POR: variants seen among roughly 807,000 people sequenced by gnomAD.
POR encodes NADPH--cytochrome P450 reductase.
A neutral mutation model predicts 84.0 loss-of-function variants in POR; 56 were observed. That is an observed-to-expected ratio of 0.67 (90% CI 0.54 to 0.83). The LOEUF (loss-of-function observed/expected upper bound fraction) is 0.83, where lower values mean the gene tolerates loss of function less well. Among genes scored for constraint, POR ranks in the 40% least tolerant of loss-of-function variants. POR has a pLI of 0.00. For synonymous variants in POR, 414 were observed against 400.5 expected, an observed-to-expected ratio of 1.03 and a Z score of -0.40; for missense variants, 938 against 944.3, an observed-to-expected ratio of 0.99 and a Z score of 0.09.
At chr7:75,931,691 ACT>A (rs1807430935) in intron 1 of POR, among the ~76,000 whole-genome samples, 2 of 151,084 alleles carry the variant, frequency 1.3e-5, no homozygotes, top group Admixed American at 1.3e-4. Flanking sequence ...TAAAGCCGTG[ACT>A]CTATTTTCCC....
At chr7:75,931,315 C>T (rs868956772) in intron 1 of POR, among the ~76,000 whole-genome samples, 1 of 152,038 alleles carries the variant, frequency 6.6e-6, no homozygotes, top group Non-Finnish European at 1.5e-5. Flanking sequence ...AAACCAGTTA[C>T]AAAGGGCCAC....
chr7:75,984,645 G>A (rs1789295034), intron 10 of POR, 132 bp from the exon 11 acceptor site: 1 of 784,774 alleles, frequency 1.3e-6, no homozygotes, highest in African/African-American at 1.7e-5. Context: ...GAGAGCATAG[G>A]CCTTGTTTCC....
intron 2 of POR, among the ~76,000 whole-genome samples, chr7:75,956,625 G>A (rs1377844627): frequency 2.0e-5 from 3 of 152,182 alleles, no homozygotes; most frequent in African/African-American, 7.2e-5. Context: ...GAGCTGTGTA[G>A]TGTTTGCGTT....
chr7:75,930,487 A>G (rs1807358930), intron 1 of POR, among the ~76,000 whole-genome samples: 1 of 151,886 alleles, frequency 6.6e-6, no homozygotes, highest in African/African-American at 2.4e-5. Context: ...GTCTAAAAAT[A>G]AATAAAATAA....
chr7:75,983,451 GCGTCCTT>G, intron 8 of POR, 62 bp from the exon 9 acceptor site: 1 of 1,104,054 alleles, frequency 9.1e-7, no homozygotes, highest in Non-Finnish European at 1.4e-6. Context: ...GCAACCAGAA[GCGTCCTT>G]GGAGACGGAG....
At chr7:75,949,239 C>T (rs1450115887) in intron 1 of POR, among the ~76,000 whole-genome samples, 1 of 152,066 alleles carries the variant, frequency 6.6e-6, no homozygotes, top group African/African-American at 2.4e-5. Flanking sequence ...ACTACAACCT[C>T]TGCCTCCCAG....
At chr7:75,981,025 G>C in intron 5 of POR, 23 bp from the exon 6 acceptor site, 1 of 1,550,856 alleles carries the variant, frequency 6.4e-7, no homozygotes, top group South Asian at 1.2e-5. Context: ...CCAGGCCTCA[G>C]AGCGGCCCCT....
At chr7:75,920,351 G>A (rs565137504) in intron 1 of POR, among the ~76,000 whole-genome samples, 22 of 152,184 alleles carry the variant, frequency 1.4e-4, no homozygotes, top group Non-Finnish European at 2.8e-4. Context: ...ATTACCAGGC[G>A]TGAGCCACCA....
At chr7:75,981,650 C>A in intron 7 of POR, 44 bp downstream of exon 7, 1 of 1,551,128 alleles carries the variant, frequency 6.4e-7, no homozygotes, top group Non-Finnish European at 8.8e-7. Context: ...TGGGCGGGTC[C>A]TGTGCCGAGG....
chr7:75,983,428 C>G, intron 8 of POR, 92 bp from the exon 9 acceptor site: 1 of 859,444 alleles, frequency 1.2e-6, no homozygotes, highest in Admixed American at 2.0e-5. Context: ...CTCTGAGATT[C>G]CCTGTGCTTT....
intron 1 of POR, among the ~76,000 whole-genome samples, chr7:75,936,099 T>C (rs1554550785): frequency 7.0e-6 from 1 of 142,138 alleles, no homozygotes; most frequent in African/African-American, 2.6e-5. Flanking sequence ...TTTTTTTTTT[T>C]TTTTTTTTTT....
At chr7:75,942,412 T>C (rs782463181) in intron 1 of POR, among the ~76,000 whole-genome samples, 1 of 152,138 alleles carries the variant, frequency 6.6e-6, no homozygotes, top group Non-Finnish European at 1.5e-5. Flanking sequence ...TCAGGGAGCA[T>C]AAATTTTGAT....
At chr7:75,983,454 T>C in intron 8 of POR, 66 bp from the exon 9 acceptor site, 1 of 1,174,326 alleles carries the variant, frequency 8.5e-7, no homozygotes, top group South Asian at 1.3e-5. Flanking sequence ...ACCAGAAGCG[T>C]CCTTGGAGAC....
chr7:75,944,296 G>T (rs1458893480), intron 1 of POR, among the ~76,000 whole-genome samples: 1 of 152,220 alleles, frequency 6.6e-6, no homozygotes, highest in Non-Finnish European at 1.5e-5. Flanking sequence ...GGAGGCCAAG[G>T]TGGGTGGATC....
At chr7:75,940,657 G>A (rs993293321) in intron 1 of POR, among the ~76,000 whole-genome samples, 19 of 151,674 alleles carry the variant, frequency 1.3e-4, no homozygotes, top group East Asian at 2.0e-4. Context: ...GGTGGCAGGC[G>A]CCTGTAGTCC....
chr7:75,958,816 C>T (rs896049521), intron 2 of POR, among the ~76,000 whole-genome samples: 8 of 149,202 alleles, frequency 5.4e-5, no homozygotes, highest in African/African-American at 1.2e-4. Flanking sequence ...CCCACCCCCC[C>T]GCCATCTCTA....
chr7:75,916,742 T>C (rs1806587842), intron 1 of POR, among the ~76,000 whole-genome samples: 1 of 152,140 alleles, frequency 6.6e-6, no homozygotes, highest in Non-Finnish European at 1.5e-5. Context: ...ATAGGTAGAT[T>C]TGAAATGAAA....
chr7:75,981,997 G>A, intron 7 of POR: 1 of 580,302 alleles, frequency 1.7e-6, no homozygotes, highest in South Asian at 2.0e-5. Flanking sequence ...GCCCAGCCCT[G>A]CCCCGGCTTC....
At chr7:75,968,521 T>C (rs933341637) in intron 2 of POR, among the ~76,000 whole-genome samples, 4 of 152,222 alleles carry the variant, frequency 2.6e-5, no homozygotes, top group Non-Finnish European at 4.4e-5. Flanking sequence ...AGCAGTCCAG[T>C]GTGGGCCCTC....
Sources: allele counts gnomAD v4.1 joint callset (sites outside exome capture counted in the v4.1 genomes callset), GRCh38; gene constraint gnomAD v4.1.1; transcripts MANE v1.5; gene names NCBI Gene and HGNC (gene_info 2026-07-23, HGNC 2026-07-21).